ZNF615: variants seen among roughly 807,000 people sequenced by gnomAD.
ZNF615 encodes the protein zinc finger protein 615.
ZNF615 carries 15 observed loss-of-function variants against 15.3 expected under a neutral mutation model. That is an observed-to-expected ratio of 0.98 (90% CI 0.66 to 1.51). ZNF615 has a LOEUF of 1.51. ZNF615 is among the 40% of genes most tolerant of loss of function. The probability of loss-of-function intolerance (pLI) is 0.00; values close to 1 mark genes in which losing one functional copy is unlikely to be tolerated. For synonymous variants in ZNF615, 268 were observed against 294.6 expected, an observed-to-expected ratio of 0.91 and a Z score of 0.92; for missense variants, 848 against 895.9, an observed-to-expected ratio of 0.95 and a Z score of 0.68.
intron 5 of ZNF615, among the ~76,000 whole-genome samples, chr19:52,001,387 A>C (rs2086584484): frequency 6.6e-6 from 1 of 152,138 alleles, no homozygotes; most frequent in Admixed American, 6.6e-5. Flanking sequence ...TGGGAGGCCA[A>C]GGTGGGCAGA....
chr19:51,993,002 T>G lies in ZNF615; in HGVS notation c.2107A>C (p.Lys703Gln), dbSNP rs2086279841. The change falls in exon 7 of 7, where the codon AAA (lysine) becomes CAA (glutamine). Residue 703 changes from lysine to glutamine, a missense_variant. Transcript: ENST00000598071. ...CSDCGKAFTT[K>Q]SGLNVHQRKH... ...CTTTGATGAACATTGAGCCCTGATTTTGTAGTGAAGGCTTTCCCGCAGTCA... is the reference window on the plus strand; with the variant it reads ...CTTTGATGAACATTGAGCCCTGATTGTGTAGTGAAGGCTTTCCCGCAGTCA... The G allele has an allele frequency of 6.2e-7, 1 of 1,614,082 alleles. No individual in the cohort carries two copies.
intron 3 of ZNF615, among the ~76,000 whole-genome samples, 163 bp downstream of exon 3, chr19:52,003,534 G>C (rs1329933772): frequency 6.6e-6 from 1 of 152,184 alleles, no homozygotes; most frequent in Admixed American, 6.5e-5. Flanking sequence ...GAATCATGTA[G>C]TATGAATCCT....
intron 2 of ZNF615, among the ~76,000 whole-genome samples, chr19:52,005,043 G>A (rs971884435): frequency 2.6e-5 from 4 of 152,076 alleles, no homozygotes; most frequent in African/African-American, 9.7e-5. Flanking sequence ...GGCAGATCAC[G>A]AGGTCAGGAG....
At chr19:51,997,686 T>C (rs913949034) in intron 6 of ZNF615, among the ~76,000 whole-genome samples, 1 of 152,224 alleles carries the variant, frequency 6.6e-6, no homozygotes, top group Admixed American at 6.5e-5. Flanking sequence ...AGGGTATCTT[T>C]TAATGCCTGA....
Position 51,992,764 on chromosome 19 carries a change from A to G in ZNF615, c.*116T>C, listed in dbSNP as rs1190192494. 56 of 1,239,692 alleles carry G rather than the reference A, an allele frequency of 4.5e-5. No individual in the cohort carries two copies. In the East Asian group the frequency reaches 1.1e-3, roughly 24 times the overall value. 76.8% of individuals were successfully genotyped at this position (1,239,692 alleles called of 1,614,324 possible). A position where few individuals can be genotyped will look rare whatever the true frequency, so the allele number is the denominator to read the frequency against. On this transcript the variant is annotated 3_prime_UTR_variant, in exon 7 of 7. Transcript: ENST00000598071. ...GTTTTGTACATGTTTTCTCTGACAC[A>G]AAACATGAAGTAACTGATCACTAAA...
chr19:51,996,385 C>CAAAAAAAAAAAAAAAAAAAAAAAAAAA lies in ZNF615; in HGVS notation c.272-1549_272-1548insTTTTTTTTTTTTTTTTTTTTTTTTTTT, dbSNP rs1172310589. Among the ~76,000 whole-genome samples, 6 of 33,326 alleles carry CAAAAAAAAAAAAAAAAAAAAAAAAAAA rather than the reference C, an allele frequency of 1.8e-4. 1 individual carries two copies. The highest frequency in any genetic ancestry group is 3.7e-4 in the Admixed American group (1 of 2,714). The allele number at this position is 33,326 out of a possible 152,430, so 21.9% of individuals were successfully genotyped here. ...GGGGTGACACAGCAAGACTCTGTCT[C>CAAAAAAAAAAAAAAAAAAAAAAAAAAA]AAAAAAAAAAAAAAAAAAAAAAACG... is the stretch of plus-strand genomic sequence containing the variant. On this transcript the variant is annotated intron_variant, in intron 6 of 6. Transcript: ENST00000598071.
Position 52,008,161 on chromosome 19 carries a change from C to G in ZNF615, c.-248G>C. On this transcript the variant is annotated 5_prime_UTR_variant, in exon 1 of 7. Transcript: ENST00000598071. ...CTTACTTCCCAGAACTTGGTGGGCT[C>G]CGGCCTCATCTCTCGGCCTCCTCAG... The G allele has an allele frequency of 6.5e-7, 1 of 1,535,606 alleles. No homozygotes were observed. The highest frequency in any genetic ancestry group is 8.7e-7 in the Non-Finnish European group (1 of 1,146,806).
rs890455445 is a variant in ZNF615 at position 51,994,086 on chromosome 19, A to G, written c.1023T>C (p.Ser341=). The G allele has an allele frequency of 9.3e-6, 15 of 1,613,826 alleles. No homozygotes were observed. Among genetic ancestry groups the G allele is most frequent in the Non-Finnish European group, 1.3e-5 (15 of 1,179,990 alleles). Residue 341 remains serine (S), a synonymous_variant, in exon 7 of 7, where the codon AGT becomes AGC. Transcript: ENST00000598071. The stretch of plus-strand genomic sequence containing the variant: ...TATGAGTTTTCTGATGTGTAGTGAG[A>G]CTGAACTTTGTAGAGAAGGCCTTCC... ...VCGKAFSTKF[S]LTTHQKTHTG...
In ZNF615 at chr19:52,007,407, A is replaced by T. The variant is rs1470091622; in HGVS notation, c.-227-77T>A. On this transcript the variant is annotated intron_variant, in intron 1 of 6. Transcript: ENST00000598071. ...AGAAGCCGCATCTTAAATATAAAACATACTACTTTTAGGTATGCTAGATGA... is the reference window on the plus strand; with the variant it reads ...AGAAGCCGCATCTTAAATATAAAACTTACTACTTTTAGGTATGCTAGATGA... The T allele has an allele frequency of 1.6e-5, 14 of 883,904 alleles. No homozygotes were observed. In the Admixed American group the frequency reaches 4.0e-4, roughly 25 times the overall value. 54.8% of individuals were successfully genotyped at this position (883,904 alleles called of 1,614,324 possible).
At chr19:51,997,938 C>G (rs2086488300) in intron 6 of ZNF615, among the ~76,000 whole-genome samples, 1 of 151,078 alleles carries the variant, frequency 6.6e-6, no homozygotes, top group South Asian at 2.1e-4. Flanking sequence ...AGCTTGCACC[C>G]AGTTTCTCCT....
In ZNF615 at chr19:51,997,664, T is replaced by C. The variant is rs2086480569; in HGVS notation, c.271+2682A>G. On this transcript the variant is annotated intron_variant, in intron 6 of 6. Transcript: ENST00000598071. Reference sequence around the variant, plus strand: ...AGATAACCTCTGAGCCCCTGGAATATTCTGCCTGCTAAGGGTATCTTTTAA... The same window carrying C: ...AGATAACCTCTGAGCCCCTGGAATACTCTGCCTGCTAAGGGTATCTTTTAA... 2.0e-5 allele frequency among the ~76,000 whole-genome samples: 3 copies of C among 152,356 alleles called. No individual in the cohort carries two copies. The South Asian group carries it at 6.2e-4, about 32-fold the overall frequency.
chr19:51,992,860 A>T lies in ZNF615; in HGVS notation c.*20T>A. The stretch of plus-strand genomic sequence containing the variant: ...GATATCTTAAGGGCCTACATCTGGC[A>T]AGAGGCTTTCCCAAAATGACTACCT... On this transcript the variant is annotated 3_prime_UTR_variant, in exon 7 of 7. Transcript: ENST00000598071. The T allele has an allele frequency of 1.2e-6, 2 of 1,611,320 alleles. No individual in the cohort carries two copies. The highest frequency in any genetic ancestry group is 1.7e-6 in the Non-Finnish European group (2 of 1,177,830).
chr19:52,002,218 G>A lies in ZNF615; in HGVS notation c.79C>T (p.Pro27Ser), dbSNP rs950801151. ...FTWEEWQFLS[P>S]AQKDLYRDVM... Reference sequence around the variant, plus strand: ...TCCCGGTACAGGTCCTTCTGAGCAGGGCTCAGGAACTGCCACTCCTCCCAG... The same window carrying A: ...TCCCGGTACAGGTCCTTCTGAGCAGAGCTCAGGAACTGCCACTCCTCCCAG... Residue 27 changes from proline (P) to serine (S), a missense_variant, in exon 4 of 7, where the codon CCT becomes TCT. Transcript: ENST00000598071. The A allele has an allele frequency of 1.2e-6, 2 of 1,613,950 alleles. No homozygotes were observed. Among genetic ancestry groups the A allele is most frequent in the African/African-American group, 2.7e-5 (2 of 74,902 alleles).
At position 51,992,820 on chromosome 19, in the gene ZNF615, T is replaced by C. The variant is rs1036749173; in HGVS notation, c.*60A>G. ...AACCATGTAGTCTGCATTCATGAAATTACTCTTCTTTGCAGATATCTTAAG... is the reference window on the plus strand; with the variant it reads ...AACCATGTAGTCTGCATTCATGAAACTACTCTTCTTTGCAGATATCTTAAG... On this transcript the variant is annotated 3_prime_UTR_variant, in exon 7 of 7. Transcript: ENST00000598071. 8 of 1,552,496 alleles carry C rather than the reference T, an allele frequency of 5.2e-6. No individual in the cohort carries two copies. The African/African-American group carries it at 9.6e-5, about 19-fold the overall frequency.
rs750542796 is a variant in ZNF615, at chr19:51,994,287, A to C, written c.822T>G (p.Thr274=). 1.2e-6 allele frequency: 2 copies of C among 1,614,190 alleles called. No homozygotes were observed. Among genetic ancestry groups the C allele is most frequent in the South Asian group, 2.2e-5 (2 of 91,088 alleles). The part of the protein sequence containing the change: ...THTELKHYEC[T]ECDKTFLKKS... ...TCTTGAGGAAGGTTTTGTCACATTC[A>C]GTGCATTCATAATGTTTCAGTTCTG... The change falls in exon 7 of 7, where the codon ACT becomes ACG. Residue 274 remains threonine (T), a synonymous_variant. Transcript: ENST00000598071.
intron 2 of ZNF615, 63 bp from the exon 3 acceptor site, chr19:52,003,963 A>G (rs1167223699): frequency 8.4e-7 from 1 of 1,190,048 alleles, no homozygotes; most frequent in African/African-American, 1.6e-5. Flanking sequence ...CACTGTTCCT[A>G]TATGCTCACC....
At chr19:52,006,969 T>C (rs1372549642) in intron 2 of ZNF615, among the ~76,000 whole-genome samples, 3 of 152,096 alleles carry the variant, frequency 2.0e-5, no homozygotes, top group Non-Finnish European at 4.4e-5. Flanking sequence ...ATAGTCTAGA[T>C]TGAAGATTAA....
chr19:51,992,859 C>T lies in ZNF615; in HGVS notation c.*21G>A. The T allele has an allele frequency of 6.2e-7, 1 of 1,610,888 alleles. No homozygotes were observed. Among genetic ancestry groups the T allele is most frequent in the Non-Finnish European group, 8.5e-7 (1 of 1,177,616 alleles). On this transcript the variant is annotated 3_prime_UTR_variant, in exon 7 of 7. Transcript: ENST00000598071. ...AGATATCTTAAGGGCCTACATCTGG[C>T]AAGAGGCTTTCCCAAAATGACTACC...
intron 6 of ZNF615, among the ~76,000 whole-genome samples, chr19:51,995,521 GTGTAAGTCACTATGCTCA>G (rs2086392341): frequency 6.7e-6 from 1 of 150,120 alleles, no homozygotes; most frequent in Non-Finnish European, 1.5e-5. Flanking sequence ...TGACATCTAT[GTGTAAGTCACTATGCTCA>G]TGTTTGGGAT....
Sources: allele counts gnomAD v4.1 joint callset (sites outside exome capture counted in the v4.1 genomes callset), GRCh38; gene constraint gnomAD v4.1.1; transcripts MANE v1.5; gene names NCBI Gene and HGNC (gene_info 2026-07-23, HGNC 2026-07-21).